The following ASIC2 variants were observed in gnomAD, a reference collection of about 807,000 sequenced individuals.
ASIC2 encodes acid-sensing ion channel 2.
Under a neutral mutation model 57.3 loss-of-function variants are expected in ASIC2, and 25 were observed. The ratio of observed to expected loss-of-function variants is 0.44; its 90% CI spans 0.32 to 0.61. ASIC2 has a LOEUF of 0.61. Ranked by LOEUF, ASIC2 falls within the 20% of genes least tolerant of loss-of-function variation. ASIC2 has a pLI of 0.06. For synonymous variants in ASIC2, 319 were observed against 307.5 expected (o/e 1.04, Z -0.39); for missense variants, 641 against 738.1 (o/e 0.87, Z 1.52).
chr17:33,346,806 A>G (rs187218740), intron 1 of ASIC2, among the ~76,000 whole-genome samples: 139 of 152,334 alleles, frequency 9.1e-4, no homozygotes, highest in Non-Finnish European at 1.5e-3. Flanking sequence ...TTGGAGTTTC[A>G]GCAAAGAAGG....
At chr17:33,389,914 A>G (rs1909828111) in intron 1 of ASIC2, among the ~76,000 whole-genome samples, 1 of 152,226 alleles carries the variant, frequency 6.6e-6, no homozygotes, top group African/African-American at 2.4e-5. Context: ...TTCATCAAGC[A>G]AGTACGAATG....
chr17:33,727,923 C>T (rs1909616918), intron 1 of ASIC2, among the ~76,000 whole-genome samples: 1 of 152,188 alleles, frequency 6.6e-6, no homozygotes, highest in African/African-American at 2.4e-5. Flanking sequence ...CCAACAAATA[C>T]TTACTGAGCA....
At chr17:33,521,671 C>A (rs976300324) in intron 1 of ASIC2, among the ~76,000 whole-genome samples, 2 of 152,124 alleles carry the variant, frequency 1.3e-5, no homozygotes, top group African/African-American at 2.4e-5. Flanking sequence ...GTCTACAGTG[C>A]GGGTGGATTT....
chr17:33,802,257 A>G (rs1306274787), intron 1 of ASIC2, among the ~76,000 whole-genome samples: 1 of 152,240 alleles, frequency 6.6e-6, no homozygotes, highest in Admixed American at 6.5e-5. Flanking sequence ...AACATGCTGT[A>G]TAGGTTTGTA....
intron 1 of ASIC2, among the ~76,000 whole-genome samples, chr17:33,310,204 C>T (rs1204263421): frequency 6.6e-6 from 1 of 151,730 alleles, no homozygotes; most frequent in African/African-American, 2.4e-5. Context: ...TAAGAGTTGA[C>T]ATTTATGCTT....
chr17:33,151,166 AACACACACACACACGCACACACAC>A (rs1167760477), intron 1 of ASIC2, among the ~76,000 whole-genome samples: 1 of 144,940 alleles, frequency 6.9e-6, no homozygotes, highest in East Asian at 2.0e-4. Context: ...TCTCTACTAA[AACACACACACACACGCACACACAC>A]ACACACACAC....
intron 7 of ASIC2, among the ~76,000 whole-genome samples, chr17:33,018,077 G>A (rs1168091497): frequency 1.3e-5 from 2 of 152,166 alleles, no homozygotes; most frequent in African/African-American, 2.4e-5. Flanking sequence ...TGGGAGTCTC[G>A]GGAGGAGATG....
At chr17:33,014,821 G>A (rs2091797090) in intron 9 of ASIC2, among the ~76,000 whole-genome samples, 1 of 152,206 alleles carries the variant, frequency 6.6e-6, no homozygotes, top group African/African-American at 2.4e-5. Context: ...GGTGCAAAGG[G>A]AACCACTTGC....
At chr17:33,291,159 C>T (rs1460703880) in intron 1 of ASIC2, 15 of 703,380 alleles carry the variant, frequency 2.1e-5, no homozygotes, top group Non-Finnish European at 3.2e-5. Flanking sequence ...TGGGGGCTGA[C>T]ACTGGAAGGA....
chr17:33,159,532 G>T (rs145213882), intron 1 of ASIC2, among the ~76,000 whole-genome samples: 2,040 of 152,202 alleles, frequency 0.013, 23 homozygotes, highest in South Asian at 0.047. Context: ...GTTCATACAC[G>T]GTCGCTAAAA....
chr17:33,546,166 A>C (rs535160515), intron 1 of ASIC2, among the ~76,000 whole-genome samples: 1 of 147,408 alleles, frequency 6.8e-6, no homozygotes, highest in Non-Finnish European at 1.5e-5. Flanking sequence ...TATATACATA[A>C]GTATATGTAA....
chr17:33,457,547 G>A (rs1597734628), intron 1 of ASIC2, among the ~76,000 whole-genome samples: 1 of 104,398 alleles, frequency 9.6e-6, no homozygotes, highest in East Asian at 2.4e-4. Flanking sequence ...TAAAGGCCAG[G>A]CATAAAAATG....
chr17:33,329,681 T>G (rs1907225726), intron 1 of ASIC2, among the ~76,000 whole-genome samples: 1 of 152,210 alleles, frequency 6.6e-6, no homozygotes, highest in Non-Finnish European at 1.5e-5. Flanking sequence ...AAGCCTTGGG[T>G]CTGTCCTTGA....
intron 1 of ASIC2, among the ~76,000 whole-genome samples, chr17:33,209,090 A>G (rs1907176874): frequency 6.6e-6 from 1 of 152,070 alleles, no homozygotes; most frequent in Non-Finnish European, 1.5e-5. Flanking sequence ...TCACTCTTAG[A>G]GGTAGAAGAG....
At chr17:33,520,542 G>A (rs1396995992) in intron 1 of ASIC2, among the ~76,000 whole-genome samples, 2 of 152,190 alleles carry the variant, frequency 1.3e-5, no homozygotes, top group Admixed American at 6.5e-5. Flanking sequence ...CAGTACAGTC[G>A]TATTAATTTG....
intron 1 of ASIC2, among the ~76,000 whole-genome samples, chr17:33,368,037 A>G (rs1455717770): frequency 3.3e-5 from 5 of 152,180 alleles, no homozygotes; most frequent in African/African-American, 9.7e-5. Context: ...AAATGGACTC[A>G]TGGATATGTA....
In ASIC2 at chr17:33,675,732, G is replaced by A. The variant is rs1030787928; in HGVS notation, c.555+480246C>T. 7.2e-5 allele frequency among the ~76,000 whole-genome samples: 11 copies of A among 152,094 alleles called. No homozygotes were observed. The East Asian group carries it at 1.4e-3, about 19-fold the overall frequency. ...GACTACAGACGTGTACTACCACACCGGGCTAATTTTTGTATTTTTCGTAGA... is the reference window on the plus strand; with the variant it reads ...GACTACAGACGTGTACTACCACACCAGGCTAATTTTTGTATTTTTCGTAGA... On this transcript the variant is annotated intron_variant, in intron 1 of 9. Coordinates refer to the ASIC2 transcript ENST00000359872.
At chr17:34,010,535 C>T (rs957148132) in intron 1 of ASIC2, among the ~76,000 whole-genome samples, 15 of 152,272 alleles carry the variant, frequency 9.9e-5, no homozygotes, top group African/African-American at 3.6e-4. Flanking sequence ...ACTGTGTTGA[C>T]GTTGGCCTAG....
intron 1 of ASIC2, among the ~76,000 whole-genome samples, chr17:33,684,721 G>A (rs570694795): frequency 6.6e-6 from 1 of 151,846 alleles, no homozygotes; most frequent in African/African-American, 2.4e-5. Context: ...GGCCCCAATG[G>A]TTTAAGAAAG....
Sources: gnomAD v4.1 joint callset for allele counts (sites outside exome capture counted in the v4.1 genomes callset) on GRCh38, gnomAD v4.1.1 for gene constraint, MANE v1.5 for transcripts, NCBI Gene and HGNC (gene_info 2026-07-23, HGNC 2026-07-21) for gene names.